Variants in FHL1 observed in about 807,000 individuals in gnomAD.
The protein encoded by FHL1 is four and a half LIM domains protein 1.
Under a neutral mutation model 20.3 loss-of-function variants are expected in FHL1, and 1 was observed. The ratio of observed to expected loss-of-function variants is 0.05; its 90% CI spans 0.02 to 0.23. The LOEUF (loss-of-function observed/expected upper bound fraction) is 0.23, where lower values mean the gene tolerates loss of function less well. Ranked by LOEUF, FHL1 falls within the 10% of genes least tolerant of loss-of-function variation. The probability of loss-of-function intolerance (pLI) is 1.00; values close to 1 mark genes in which losing one functional copy is unlikely to be tolerated. For missense variants in FHL1, 177 were observed against 234.0 expected (o/e 0.76, Z 1.59); for synonymous variants, 82 against 88.9 (o/e 0.92, Z 0.44).
At chrX:136,206,927 A>G in intron 2 of FHL1, 89 bp from the exon 3 acceptor site, 1 of 1,007,630 alleles carries the variant, frequency 9.9e-7, no homozygotes, top group Non-Finnish European at 1.4e-6. Context: ...CTCAGTGGTC[A>G]GTCCCAGGGA....
chrX:136,185,868 A>AGCT (rs1229282282), intron 2 of FHL1, among the ~76,000 whole-genome samples: 1 of 111,946 alleles, frequency 8.9e-6, no homozygotes, highest in Non-Finnish European at 1.9e-5. Flanking sequence ...TATGACTCAG[A>AGCT]GCTGTGCACT....
At chrX:136,167,535 A>G (rs1375312611), upstream of FHL1, among the ~76,000 whole-genome samples, 1 of 111,343 alleles carries the variant, frequency 9.0e-6, no homozygotes, top group Admixed American at 9.6e-5. Flanking sequence ...CCCTGCCACC[A>G]AGATATTTAA....
intron 3 of FHL1, 135 bp downstream of exon 3, chrX:136,207,325 A>G (rs1569530387): frequency 2.6e-5 from 15 of 580,036 alleles, no homozygotes; most frequent in Non-Finnish European, 4.1e-5. Context: ...GTACACATAT[A>G]CATACACGTA....
rs753664057 is a variant in FHL1, at chrX:136,197,191, C to T, written c.22+57C>T. The T allele has an allele frequency of 3.9e-6, 4 of 1,031,340 alleles. No individual in the cohort carries two copies. In the South Asian group the frequency reaches 8.1e-5, roughly 21 times the overall value. 85.0% of individuals were successfully genotyped at this position (1,031,340 alleles called of 1,213,427 possible). A position where few individuals can be genotyped will look rare whatever the true frequency, so the allele number is the denominator to read the frequency against. On this transcript the variant is annotated intron_variant, in intron 1 of 5. Transcript: ENST00000370683. ...GCACAGTTTTGTTAGGGCAGTGAAT[C>T]CGTCATTGGGCTAAAAGATGGTTTT...
At chrX:136,194,514 C>T (rs902268032), upstream of FHL1, among the ~76,000 whole-genome samples, 1 of 111,166 alleles carries the variant, frequency 9.0e-6, no homozygotes, top group African/African-American at 3.3e-5. Context: ...CTGAAAAAAG[C>T]GTCCGGATAC....
At chrX:136,173,753 C>T (rs975067688) in intron 2 of FHL1, among the ~76,000 whole-genome samples, 4 of 103,992 alleles carry the variant, frequency 3.8e-5, no homozygotes, top group South Asian at 9.1e-4. Flanking sequence ...GGCTGGAGTG[C>T]AGTGGCGTGA....
intron 2 of FHL1, among the ~76,000 whole-genome samples, chrX:136,170,350 C>T (rs1005205883): frequency 2.7e-5 from 3 of 111,315 alleles, no homozygotes; most frequent in Non-Finnish European, 1.9e-5. Flanking sequence ...CTGCCAGCCA[C>T]GAGAAGGTTA....
At chrX:136,177,048 A>ACACACACACACAC (rs1569529019) in intron 2 of FHL1, among the ~76,000 whole-genome samples, 11 of 110,351 alleles carry the variant, frequency 1.0e-4, no homozygotes, top group South Asian at 3.9e-4. Context: ...ACACACACAT[A>ACACACACACACAC]ATGTCTCAAG....
chrX:136,172,893 T>C (rs1481485583), intron 2 of FHL1, among the ~76,000 whole-genome samples: 1 of 111,648 alleles, frequency 9.0e-6, no homozygotes, highest in Non-Finnish European at 1.9e-5. Flanking sequence ...CCACCATGCC[T>C]AGCTAATTTT....
rs1228771620 is a variant in FHL1, at chrX:136,211,133, C to T, written c.*1108C>T. ...AGAGGAAATCTGGATTTCCACCTAC[C>T]GCTTACCTGAAATGCAGGATCACCT... On this transcript the variant is annotated 3_prime_UTR_variant, in exon 6 of 6. Transcript: ENST00000370683. 4 of 371,966 alleles carry T rather than the reference C, an allele frequency of 1.1e-5. No homozygotes were observed. The highest frequency in any genetic ancestry group is 3.0e-5 in the Admixed American group (1 of 33,465). The allele number at this position is 371,966 out of a possible 1,213,427, so 30.7% of individuals were successfully genotyped here. A position where few individuals can be genotyped will look rare whatever the true frequency, so the allele number is the denominator to read the frequency against.
intron 1 of FHL1, among the ~76,000 whole-genome samples, chrX:136,202,450 C>T (rs1451545035): frequency 9.1e-6 from 1 of 110,216 alleles, no homozygotes; most frequent in African/African-American, 3.3e-5. Context: ...GGGATGGACG[C>T]GGTGGCTCAT....
intron 2 of FHL1, among the ~76,000 whole-genome samples, chrX:136,191,821 G>T: frequency 1.8e-5 from 2 of 111,499 alleles, no homozygotes; most frequent in South Asian, 7.6e-4. Flanking sequence ...TTCCTATTAT[G>T]GATATTAACC....
chrX:136,156,370 C>T (rs1350529764), intron 1 of FHL1, among the ~76,000 whole-genome samples: 1 of 107,265 alleles, frequency 9.3e-6, no homozygotes, highest in Non-Finnish European at 1.9e-5. Flanking sequence ...ACAACCTCTG[C>T]CTCCGGGTTC....
At chrX:136,153,093 A>G (rs1031112780) in intron 1 of FHL1, among the ~76,000 whole-genome samples, 10 of 111,743 alleles carry the variant, frequency 8.9e-5, no homozygotes, top group African/African-American at 3.3e-4. Flanking sequence ...TGTGCTTGCT[A>G]TGGAAATTGT....
Position 136,206,530 on chromosome X carries a change from A to G in FHL1, c.146A>G (p.Asp49Gly). The change falls in exon 2 of 6, where the codon GAC becomes GGC. Residue 49 changes from aspartate to glycine, a missense_variant. Asp to Gly is a moderately conservative substitution (Grantham distance 94, BLOSUM62 -1). Transcript: ENST00000370683. ...DGHHCCLKCFDKFCANTCVEC... is the reference protein window; with the variant it reads ...DGHHCCLKCFGKFCANTCVEC... Reference sequence around the variant, plus strand: ...CACCACTGCTGCCTGAAATGCTTTGACAAGTTCTGTGCCAACACCTGTGTG... The same window carrying G: ...CACCACTGCTGCCTGAAATGCTTTGGCAAGTTCTGTGCCAACACCTGTGTG... The G allele has an allele frequency of 4.9e-6, 6 of 1,212,537 alleles. No individual in the cohort carries two copies. Among genetic ancestry groups the G allele is most frequent in the Non-Finnish European group, 6.7e-6 (6 of 895,663 alleles).
chrX:136,164,211 A>ATTTT (rs11463803), intron 1 of FHL1, among the ~76,000 whole-genome samples: 1 of 99,523 alleles, frequency 1.0e-5, no homozygotes, highest in African/African-American at 3.7e-5. Flanking sequence ...AGTGTACTCT[A>ATTTT]TTTTTTTTTT....
Position 136,209,848 on chromosome X carries a change from CTTTTCTTTTT to C in FHL1, c.737-17_737-8del. 8.3e-7 allele frequency: 1 copy of C among 1,204,803 alleles called. No individual in the cohort carries two copies. On this transcript the variant is annotated splice_polypyrimidine_tract_variant and intron_variant, in intron 5 of 5. Transcript: ENST00000370683. ...TCAGCTGTTTCTCTTGTTTTCTTTTCTTTTCTTTTTTTTTCCCCCCAGGGTTTGGTAAAGG... is the reference window on the plus strand; with the variant it reads ...TCAGCTGTTTCTCTTGTTTTCTTTTCTTTTCCCCCCAGGGTTTGGTAAAGG...
intron 1 of FHL1, among the ~76,000 whole-genome samples, chrX:136,199,336 GT>G (rs1209089001): frequency 9.0e-6 from 1 of 110,927 alleles, no homozygotes; most frequent in African/African-American, 3.3e-5. Flanking sequence ...AAAAAGATTT[GT>G]TTTTTTTCTA....
At chrX:136,153,285 G>T (rs986210402) in intron 1 of FHL1, among the ~76,000 whole-genome samples, 8 of 16,698 alleles carry the variant, frequency 4.8e-4, no homozygotes, top group African/African-American at 9.0e-4. Context: ...TGCGGGAGGT[G>T]GGGGGGGGCA....
Sources: allele counts gnomAD v4.1 joint callset (sites outside exome capture counted in the v4.1 genomes callset), GRCh38; gene constraint gnomAD v4.1.1; transcripts MANE v1.5; gene names NCBI Gene and HGNC (gene_info 2026-07-23, HGNC 2026-07-21).